Variants in TMEM131 observed in about 807,000 individuals in gnomAD.
TMEM131 encodes transmembrane protein 131, also known as 2610524E03Rik.
TMEM131 carries 66 observed loss-of-function variants against 211.6 expected under a neutral mutation model. That is an observed-to-expected ratio of 0.31 (90% CI 0.26 to 0.38). The LOEUF (loss-of-function observed/expected upper bound fraction) is 0.38. TMEM131 is among the 10% of genes least tolerant of loss of function. The pLI, the probability that TMEM131 is intolerant of heterozygous loss-of-function variation, is 1.00. For missense variants in TMEM131, 2,036 were observed against 2,299.3 expected (o/e 0.89, Z 2.34); for synonymous variants, 844 against 841.3 (o/e 1.00, Z -0.06).
chr2:97,789,409 C>A (rs1317273262), intron 31 of TMEM131, among the ~76,000 whole-genome samples: 2 of 152,236 alleles, frequency 1.3e-5, no homozygotes, highest in East Asian at 1.9e-4. Flanking sequence ...ATGGCATGTG[C>A]CACTTCCTGC....
intron 3 of TMEM131, among the ~76,000 whole-genome samples, chr2:97,899,776 G>A (rs1675772297): frequency 6.6e-6 from 1 of 152,066 alleles, no homozygotes. Context: ...TATTTGACAA[G>A]TGAAAACTGT....
At chr2:97,968,521 C>G (rs1236246114) in intron 1 of TMEM131, among the ~76,000 whole-genome samples, 1 of 152,080 alleles carries the variant, frequency 6.6e-6, no homozygotes, top group East Asian at 1.9e-4. Context: ...CTCCTATCTC[C>G]CTGCAGTAGG....
intron 27 of TMEM131, 51 bp downstream of exon 27, chr2:97,796,793 T>A (rs1680787220): frequency 6.3e-7 from 1 of 1,581,596 alleles, no homozygotes. Flanking sequence ...TTATTTACTG[T>A]TGAAAGCAAA....
intron 29 of TMEM131, among the ~76,000 whole-genome samples, chr2:97,794,496 A>T (rs1227270901): frequency 6.6e-6 from 1 of 152,238 alleles, no homozygotes; most frequent in Non-Finnish European, 1.5e-5. Context: ...TGTGTGATAT[A>T]AATATGTAAA....
intron 5 of TMEM131, among the ~76,000 whole-genome samples, chr2:97,852,935 T>C (rs1019379646): frequency 6.6e-6 from 1 of 152,246 alleles, no homozygotes; most frequent in Non-Finnish European, 1.5e-5. Context: ...GCTCTATAAA[T>C]GGACAAGGCC....
intron 1 of TMEM131, among the ~76,000 whole-genome samples, chr2:97,987,363 C>T (rs1388605441): frequency 3.9e-5 from 6 of 152,056 alleles, no homozygotes; most frequent in South Asian, 2.1e-4. Flanking sequence ...ATTAGCTGAG[C>T]GTGGTGGCAC....
intron 1 of TMEM131, among the ~76,000 whole-genome samples, chr2:97,951,280 G>A (rs1678301241): frequency 6.6e-6 from 1 of 152,238 alleles, no homozygotes; most frequent in Admixed American, 6.5e-5. Flanking sequence ...AAGCCCCTGT[G>A]ATGGTAATAT....
rs117085620 is a variant in TMEM131, at chr2:97,835,760, T to C, written c.805-835A>G. Among the ~76,000 whole-genome samples the C allele has an allele frequency of 2.3e-3, 349 of 152,202 alleles. 2 individuals are homozygous for C. The highest frequency in any genetic ancestry group is 7.7e-3 in the East Asian group (40 of 5,174). ...CCATCCACTCCCCAGCTCTAGGGAGTTGACTTGGTCTCTGGGGTTTTCACC... is the reference window on the plus strand; with the variant it reads ...CCATCCACTCCCCAGCTCTAGGGAGCTGACTTGGTCTCTGGGGTTTTCACC... On this transcript the variant is annotated intron_variant, in intron 8 of 40. Transcript: ENST00000186436.
intron 3 of TMEM131, among the ~76,000 whole-genome samples, chr2:97,888,811 A>C (rs542239023): frequency 6.6e-6 from 1 of 152,184 alleles, no homozygotes; most frequent in African/African-American, 2.4e-5. Context: ...TCACATGCCT[A>C]AAGTGTCAGA....
intron 5 of TMEM131, among the ~76,000 whole-genome samples, chr2:97,852,451 C>A (rs896266002): frequency 1.1e-4 from 17 of 152,216 alleles, no homozygotes; most frequent in Non-Finnish European, 7.3e-5. Flanking sequence ...AGCCACCACG[C>A]CTGGCCTTGC....
chr2:97,879,392 ATT>A (rs1674830489), intron 4 of TMEM131, among the ~76,000 whole-genome samples: 1 of 152,176 alleles, frequency 6.6e-6, no homozygotes, highest in South Asian at 2.1e-4. Flanking sequence ...ATTCCAATAT[ATT>A]ATCATTTTTG....
chr2:97,841,115 G>A (rs1683173675), intron 7 of TMEM131, among the ~76,000 whole-genome samples: 1 of 152,204 alleles, frequency 6.6e-6, no homozygotes, highest in Non-Finnish European at 1.5e-5. Flanking sequence ...ATTCTAGAAA[G>A]CATTCACATC....
chr2:97,988,978 A>G (rs1464443975), intron 1 of TMEM131, among the ~76,000 whole-genome samples: 1 of 152,240 alleles, frequency 6.6e-6, no homozygotes, highest in Non-Finnish European at 1.5e-5. Context: ...AGCATTAGTC[A>G]CAAGAGCCAA....
Position 97,791,323 on chromosome 2 carries a change from G to A in TMEM131, c.4144+1063C>T, listed in dbSNP as rs115776653. Among the ~76,000 whole-genome samples the A allele has an allele frequency of 5.0e-3, 759 of 152,316 alleles. 2 individuals carry two copies. The highest frequency in any genetic ancestry group is 8.9e-3 in the Non-Finnish European group (606 of 68,024). On this transcript the variant is annotated intron_variant, in intron 31 of 40. Coordinates refer to ENST00000186436, the MANE Select transcript of TMEM131 (RefSeq NM_015348.2). ...GTGTGGGCTGGACCACACTTCGAAT[G>A]AGCAGAATACTACAACATTGATGGG...
chr2:97,903,645 A>G (rs1393454325), intron 3 of TMEM131, among the ~76,000 whole-genome samples: 3 of 152,166 alleles, frequency 2.0e-5, no homozygotes, highest in Admixed American at 1.3e-4. Flanking sequence ...TCTGAATCAA[A>G]TAATGAGTAA....
At chr2:97,915,536 C>T (rs1028256855) in intron 2 of TMEM131, among the ~76,000 whole-genome samples, 9 of 152,142 alleles carry the variant, frequency 5.9e-5, no homozygotes, top group Non-Finnish European at 1.0e-4. Context: ...GAGACAAGGT[C>T]TCACTATGTT....
chr2:97,961,180 G>A (rs7605288), intron 1 of TMEM131, among the ~76,000 whole-genome samples: 52,308 of 150,490 alleles, frequency 0.35, 9,936 homozygotes, highest in Middle Eastern at 0.49. Context: ...GTTATAGCAC[G>A]TAAAGTTAAT....
At chr2:97,870,541 T>C (rs1195053067) in intron 4 of TMEM131, among the ~76,000 whole-genome samples, 4 of 152,110 alleles carry the variant, frequency 2.6e-5, no homozygotes, top group African/African-American at 9.7e-5. Context: ...GAACTGTCCA[T>C]ATTTTCGAAT....
intron 5 of TMEM131, among the ~76,000 whole-genome samples, chr2:97,849,835 T>C (rs189706142): frequency 5.4e-4 from 82 of 151,184 alleles, no homozygotes; most frequent in African/African-American, 1.9e-3. Flanking sequence ...CATGTTCCCC[T>C]GGGGCAAGAA....
Sources: gnomAD v4.1 joint callset for allele counts (sites outside exome capture counted in the v4.1 genomes callset) on GRCh38, gnomAD v4.1.1 for gene constraint, MANE v1.5 for transcripts, NCBI Gene and HGNC (gene_info 2026-07-23, HGNC 2026-07-21) for gene names.